The following TSGA13 variants were observed in gnomAD, a reference collection of about 807,000 sequenced individuals.
TSGA13 encodes the protein testis-specific gene 13 protein.
In TSGA13, 37 loss-of-function variants were observed where a neutral mutation model predicts 35.1. The ratio of observed to expected loss-of-function variants is 1.05; its 90% CI spans 0.81 to 1.39. TSGA13 has a LOEUF of 1.39. TSGA13 is among the 40% of genes most tolerant of loss of function. The pLI is 0.00. For missense variants in TSGA13, 338 were observed against 328.5 expected, an observed-to-expected ratio of 1.03 and a Z score of -0.22; for synonymous variants, 124 against 121.2, an observed-to-expected ratio of 1.02 and a Z score of -0.15.
rs1001384129 is a variant in TSGA13 at position 130,668,858 on chromosome 7, C to T, written c.*156G>A. 4.7e-5 allele frequency: 64 copies of T among 1,355,338 alleles called. No individual in the cohort carries two copies. The highest frequency in any genetic ancestry group is 2.7e-4 in the Middle Eastern group (1 of 3,676). The allele number at this position is 1,355,338 out of a possible 1,614,324, so 84.0% of individuals were successfully genotyped here. ...CGGGACGCAGCCACGCCCCCTTCTC[C>T]TCTTGCGGCCCGCCGGAGACTTCGG... is the stretch of plus-strand genomic sequence containing the variant. On this transcript the variant is annotated 3_prime_UTR_variant, in exon 8 of 8. Transcript: ENST00000356588.
At chr7:130,678,941 T>G (rs1708476209) in intron 5 of TSGA13, among the ~76,000 whole-genome samples, 1 of 152,156 alleles carries the variant, frequency 6.6e-6, no homozygotes. Context: ...ATGGGAAGAT[T>G]GTTTGAGCCC....
At chr7:130,685,034 AG>A (rs1554465549) in intron 2 of TSGA13, among the ~76,000 whole-genome samples, 153 bp downstream of exon 2, 1 of 152,204 alleles carries the variant, frequency 6.6e-6, no homozygotes, top group Admixed American at 6.5e-5. Flanking sequence ...ATACAGACCA[AG>A]ATCCGGTTTT....
chr7:130,671,899 A>G (rs989025880), intron 6 of TSGA13, 111 bp from the exon 7 acceptor site: 27 of 650,498 alleles, frequency 4.2e-5, no homozygotes, highest in South Asian at 7.0e-5. Flanking sequence ...TATTTTATGT[A>G]TTTATTTTGA....
At chr7:130,671,291 T>A (rs1160106073) in intron 7 of TSGA13, among the ~76,000 whole-genome samples, 3 of 152,104 alleles carry the variant, frequency 2.0e-5, no homozygotes, top group Non-Finnish European at 4.4e-5. Context: ...AGCATATAAT[T>A]TGTACATCAA....
intron 5 of TSGA13, 100 bp from the exon 6 acceptor site, chr7:130,672,976 A>G (rs782507458): frequency 5.4e-5 from 72 of 1,327,040 alleles, no homozygotes; most frequent in Non-Finnish European, 6.0e-5. Context: ...TTCCCCTACA[A>G]TCATGCAACA....
chr7:130,671,280 A>C (rs367964177), intron 7 of TSGA13, among the ~76,000 whole-genome samples: 1 of 152,182 alleles, frequency 6.6e-6, no homozygotes, highest in East Asian at 1.9e-4. Context: ...TGTTTCAGAA[A>C]AGCATATAAT....
chr7:130,669,974 G>A (rs1796217646), intron 7 of TSGA13, among the ~76,000 whole-genome samples: 1 of 152,196 alleles, frequency 6.6e-6, no homozygotes, highest in African/African-American at 2.4e-5. Flanking sequence ...CAGAGACAGT[G>A]TAGATAATAG....
intron 7 of TSGA13, among the ~76,000 whole-genome samples, chr7:130,670,106 G>A (rs1166492623): frequency 6.6e-6 from 1 of 152,178 alleles, no homozygotes; most frequent in African/African-American, 2.4e-5. Context: ...ATCATTCTCT[G>A]CTGTTCTTCA....
chr7:130,668,760 G>T lies in TSGA13; in HGVS notation c.*254C>A. 1.4e-6 allele frequency: 2 copies of T among 1,432,312 alleles called. No individual in the cohort carries two copies. Among genetic ancestry groups the T allele is most frequent in the South Asian group, 1.3e-5 (1 of 74,542 alleles). 88.7% of individuals were successfully genotyped at this position (1,432,312 alleles called of 1,614,324 possible). A position where few individuals can be genotyped will look rare whatever the true frequency, so the allele number is the denominator to read the frequency against. ...GAGGCTGCAGGAAGGCCGGCCCCGC[G>T]CTCTCACGCCGGTTGGGCCGCCGCG... is the stretch of plus-strand genomic sequence containing the variant. On this transcript the variant is annotated 3_prime_UTR_variant, in exon 8 of 8. Transcript: ENST00000356588.
In TSGA13 at chr7:130,685,099, G is replaced by T; in HGVS notation, c.23+89C>A. 3.1e-6 allele frequency: 4 copies of T among 1,288,166 alleles called. No individual in the cohort carries two copies. The South Asian group carries it at 3.6e-5, about 12-fold the overall frequency. The allele number at this position is 1,288,166 out of a possible 1,614,324, so 79.8% of individuals were successfully genotyped here. A position where few individuals can be genotyped will look rare whatever the true frequency, so the allele number is the denominator to read the frequency against. On this transcript the variant is annotated intron_variant, in intron 2 of 7. Coordinates refer to ENST00000356588, the MANE Select transcript of TSGA13 (RefSeq NM_052933.4). ...TATGTTTAATGAGAGTCTACTCTGT[G>T]ACCAGCACCATTCAACGTGCTGTGG...
Position 130,683,600 on chromosome 7 carries a change from G to C in TSGA13, c.96C>G (p.Ser32Arg), listed in dbSNP as rs1554465394. Residue 32 changes from serine to arginine, a missense_variant, in exon 3 of 8, where the codon AGC becomes AGG. Coordinates refer to ENST00000356588, the MANE Select transcript of TSGA13 (RefSeq NM_052933.4). ...ACTTACTAACACTCCTTACCTCTTTGCTATTGACAACCATTCCTTTCTCAC... is the reference window on the plus strand; with the variant it reads ...ACTTACTAACACTCCTTACCTCTTTCCTATTGACAACCATTCCTTTCTCAC... ...AKREKGMVVNSKEISDAVGQS... is the reference protein window; with the variant it reads ...AKREKGMVVNRKEISDAVGQS... 1 of 1,613,584 alleles carries C rather than the reference G, an allele frequency of 6.2e-7. No individual in the cohort carries two copies. The highest frequency in any genetic ancestry group is 1.1e-5 in the South Asian group (1 of 91,036).
At chr7:130,681,743 C>T (rs1391875255) in intron 3 of TSGA13, among the ~76,000 whole-genome samples, 1 of 151,986 alleles carries the variant, frequency 6.6e-6, no homozygotes, top group Non-Finnish European at 1.5e-5. Flanking sequence ...GAGCCTTTTC[C>T]ATTCCCTTTC....
intron 3 of TSGA13, among the ~76,000 whole-genome samples, chr7:130,683,325 G>A (rs993699148): frequency 9.2e-5 from 14 of 152,200 alleles, no homozygotes; most frequent in Admixed American, 3.3e-4. Flanking sequence ...TAAAGTCTGC[G>A]TAAGTTAGGG....
intron 5 of TSGA13, among the ~76,000 whole-genome samples, chr7:130,675,405 A>T (rs1180778816): frequency 1.3e-5 from 2 of 149,794 alleles, no homozygotes; most frequent in Admixed American, 1.3e-4. Context: ...TGGGGAGGGG[A>T]TGGAATCTCA....
At chr7:130,672,514 C>T (rs947886591) in intron 6 of TSGA13, among the ~76,000 whole-genome samples, 4 of 152,036 alleles carry the variant, frequency 2.6e-5, no homozygotes, top group African/African-American at 9.7e-5. Context: ...GAATATTTCC[C>T]CTCAATCTTG....
At chr7:130,672,955 C>T in intron 5 of TSGA13, 79 bp from the exon 6 acceptor site, 1 of 1,450,450 alleles carries the variant, frequency 6.9e-7, no homozygotes, top group Non-Finnish European at 9.2e-7. Context: ...AGTTCCTGGA[C>T]TAAGTTCCAA....
chr7:130,668,883 G>A lies in TSGA13; in HGVS notation c.*131C>T, dbSNP rs1796172034. On this transcript the variant is annotated 3_prime_UTR_variant, in exon 8 of 8. Transcript: ENST00000356588. ...CTCTTGCGGCCCGCCGGAGACTTCG[G>A]CTCGACCCTCCCGGCTTGCGACCCG... 1 of 1,423,392 alleles carries A rather than the reference G, an allele frequency of 7.0e-7. No individual in the cohort carries two copies. Among genetic ancestry groups the A allele is most frequent in the Non-Finnish European group, 9.4e-7 (1 of 1,058,858 alleles). The allele number at this position is 1,423,392 out of a possible 1,614,324, so 88.2% of individuals were successfully genotyped here.
At position 130,668,676 on chromosome 7, in the gene TSGA13, G is replaced by T; in HGVS notation, c.*338C>A. On this transcript the variant is annotated 3_prime_UTR_variant, in exon 8 of 8. Transcript: ENST00000356588. The stretch of plus-strand genomic sequence containing the variant: ...GTCGAATTTTTTAATCATCTTGGAC[G>T]ACTTCCCAGCGCCCAGACCCACCGC... 1 of 1,538,304 alleles carries T rather than the reference G, an allele frequency of 6.5e-7. No homozygotes were observed. The highest frequency in any genetic ancestry group is 8.7e-7 in the Non-Finnish European group (1 of 1,144,110).
At chr7:130,670,909 G>C (rs1189321632) in intron 7 of TSGA13, among the ~76,000 whole-genome samples, 1 of 152,112 alleles carries the variant, frequency 6.6e-6, no homozygotes, top group Non-Finnish European at 1.5e-5. Flanking sequence ...TTACGGACAC[G>C]CCCAGCCTGT....
Sources: gnomAD v4.1 joint callset for allele counts (sites outside exome capture counted in the v4.1 genomes callset) on GRCh38, gnomAD v4.1.1 for gene constraint, MANE v1.5 for transcripts, NCBI Gene and HGNC (gene_info 2026-07-23, HGNC 2026-07-21) for gene names.